The following SLC30A7 variants were observed in gnomAD, a reference collection of about 807,000 sequenced individuals.
SLC30A7 encodes the protein zinc transporter 7.
A neutral mutation model predicts 46.0 loss-of-function variants in SLC30A7; 35 were observed. The observed-to-expected ratio is 0.76, with a 90% CI of 0.58 to 1.01. SLC30A7 has a LOEUF of 1.01. Among genes scored for constraint, SLC30A7 ranks in the 50% least tolerant of loss-of-function variants. The pLI is 0.00. For missense variants in SLC30A7, 464 were observed against 451.1 expected (o/e 1.03, Z -0.26); for synonymous variants, 147 against 157.8 (o/e 0.93, Z 0.51).
intron 8 of SLC30A7, among the ~76,000 whole-genome samples, chr1:100,946,381 G>A (rs1017442166): frequency 4.6e-5 from 7 of 152,192 alleles, no homozygotes; most frequent in Non-Finnish European, 7.3e-5. Context: ...CAAAGGAAAT[G>A]CTTCCAGTTT....
chr1:100,909,500 A>G (rs1651938646), intron 3 of SLC30A7, among the ~76,000 whole-genome samples: 1 of 152,138 alleles, frequency 6.6e-6, no homozygotes, highest in South Asian at 2.1e-4. Context: ...TCAAGAATCT[A>G]AACACTAGCC....
At position 100,900,865 on chromosome 1, in the gene SLC30A7, G is replaced by A. The variant is rs577201340; in HGVS notation, c.182+4194G>A. On this transcript the variant is annotated intron_variant, in intron 2 of 10. Transcript: ENST00000357650. ...GTTTAACAAACAATATAAATATACC[G>A]TTAGCTTAGTTACCAATAGACCTTT... 1.4e-4 allele frequency among the ~76,000 whole-genome samples: 21 copies of A among 152,110 alleles called. No homozygotes were observed. In the South Asian group the frequency reaches 3.1e-3, roughly 23 times the overall value.
intron 6 of SLC30A7, among the ~76,000 whole-genome samples, chr1:100,915,094 T>G (rs1652393144): frequency 6.6e-6 from 1 of 152,160 alleles, no homozygotes; most frequent in Non-Finnish European, 1.5e-5. Context: ...GAAAGTTTCC[T>G]CCTACTCTCA....
At chr1:100,911,581 C>T (rs767514624) in intron 4 of SLC30A7, among the ~76,000 whole-genome samples, 5 of 152,094 alleles carry the variant, frequency 3.3e-5, no homozygotes, top group African/African-American at 4.8e-5. Flanking sequence ...GACAGAGTCT[C>T]ACTCTGTTGC....
intron 6 of SLC30A7, among the ~76,000 whole-genome samples, chr1:100,914,330 C>T (rs1382312244): frequency 6.6e-6 from 1 of 152,186 alleles, no homozygotes; most frequent in South Asian, 2.1e-4. Flanking sequence ...ATTAACCGTC[C>T]CCCTTTCCCT....
chr1:100,989,240 G>A, the SLC30A7 span, among the ~76,000 whole-genome samples: 1 of 152,168 alleles, frequency 6.6e-6, no homozygotes, highest in African/African-American at 2.4e-5. Context: ...CTAATCCATT[G>A]TTGCCTTAAA....
At chr1:100,967,519 T>A (rs1211824402) in intron 10 of SLC30A7, among the ~76,000 whole-genome samples, 1 of 152,156 alleles carries the variant, frequency 6.6e-6, no homozygotes, top group Non-Finnish European at 1.5e-5. Flanking sequence ...ATAGATCTAA[T>A]GAAGAAACAG....
chr1:100,959,628 C>T (rs1237824101), intron 8 of SLC30A7, among the ~76,000 whole-genome samples: 4 of 152,204 alleles, frequency 2.6e-5, no homozygotes, highest in Admixed American at 6.5e-5. Context: ...CACTATAGCA[C>T]AGCTCACAAC....
intron 8 of SLC30A7, among the ~76,000 whole-genome samples, chr1:100,922,530 AT>A (rs1477711639): frequency 1.3e-5 from 2 of 152,214 alleles, no homozygotes; most frequent in Admixed American, 1.3e-4. Context: ...TGCTAGAACC[AT>A]TTTTATTCAT....
intron 8 of SLC30A7, among the ~76,000 whole-genome samples, chr1:100,952,296 A>G (rs1654999229): frequency 6.6e-6 from 1 of 152,212 alleles, no homozygotes; most frequent in Non-Finnish European, 1.5e-5. Context: ...AGCTTGGACA[A>G]GTCACTTAGC....
At chr1:100,953,912 A>G (rs1306955469) in intron 8 of SLC30A7, among the ~76,000 whole-genome samples, 1 of 152,220 alleles carries the variant, frequency 6.6e-6, no homozygotes, top group Non-Finnish European at 1.5e-5. Flanking sequence ...TTTCCAATGT[A>G]TGTTTGAATG....
At chr1:100,940,435 A>C (rs1304455514) in intron 8 of SLC30A7, among the ~76,000 whole-genome samples, 1 of 152,188 alleles carries the variant, frequency 6.6e-6, no homozygotes, top group Non-Finnish European at 1.5e-5. Context: ...AAAAAGAAGA[A>C]TTTTGGCATA....
At position 100,896,566 on chromosome 1, in the gene SLC30A7, C is replaced by T. The variant is rs533559128; in HGVS notation, c.81-4C>T. The T allele has an allele frequency of 6.2e-6, 10 of 1,613,394 alleles. No homozygotes were observed. The African/African-American group carries it at 9.3e-5, about 15-fold the overall frequency. On this transcript the variant is annotated splice_region_variant and splice_polypyrimidine_tract_variant and intron_variant, in intron 1 of 10. Transcript: ENST00000357650. ...CGGCTCTTTTCCACGTGTATCATTC[C>T]CAGGTCTATACTGTCCGACAAGACT...
downstream of SLC30A7, among the ~76,000 whole-genome samples, chr1:100,983,285 T>G (rs1279071727): frequency 2.6e-5 from 4 of 151,946 alleles, no homozygotes; most frequent in African/African-American, 9.7e-5. Flanking sequence ...TTTACTACTT[T>G]TTTTCATTCT....
At chr1:100,918,302 T>C (rs1652722409) in intron 7 of SLC30A7, among the ~76,000 whole-genome samples, 175 bp downstream of exon 7, 2 of 152,216 alleles carry the variant, frequency 1.3e-5, no homozygotes, top group Non-Finnish European at 2.9e-5. Context: ...GCAGACATTC[T>C]TTTAATTGTC....
At chr1:100,945,557 T>G (rs1377375894) in intron 8 of SLC30A7, among the ~76,000 whole-genome samples, 6 of 152,218 alleles carry the variant, frequency 3.9e-5, no homozygotes, top group African/African-American at 1.4e-4. Context: ...CTTTCCCCAT[T>G]TCTTGTTTTT....
chr1:100,962,720 A>G (rs1655617757), intron 9 of SLC30A7, among the ~76,000 whole-genome samples: 1 of 152,232 alleles, frequency 6.6e-6, no homozygotes, highest in African/African-American at 2.4e-5. Flanking sequence ...TAGAAGTGTC[A>G]TAAATCCTAT....
At chr1:100,904,067 A>G (rs1651475350) in intron 2 of SLC30A7, among the ~76,000 whole-genome samples, 1 of 152,000 alleles carries the variant, frequency 6.6e-6, no homozygotes, top group African/African-American at 2.4e-5. Context: ...TATTATAACA[A>G]TTATGACACT....
At chr1:100,907,776 T>C (rs750653116) in intron 3 of SLC30A7, among the ~76,000 whole-genome samples, 20 of 152,004 alleles carry the variant, frequency 1.3e-4, no homozygotes, top group Non-Finnish European at 2.5e-4. Flanking sequence ...TCTCTCATAT[T>C]TTCTGTCTCT....
Sources: gnomAD v4.1 joint callset for allele counts (sites outside exome capture counted in the v4.1 genomes callset) on GRCh38, gnomAD v4.1.1 for gene constraint, MANE v1.5 for transcripts, NCBI Gene and HGNC (gene_info 2026-07-23, HGNC 2026-07-21) for gene names.